Variants in GLIS3 observed in about 807,000 individuals in gnomAD.
GLIS3 encodes the protein zinc finger protein GLIS3.
A neutral mutation model predicts 78.6 loss-of-function variants in GLIS3; 53 were observed. The ratio of observed to expected loss-of-function variants is 0.67; its 90% CI spans 0.54 to 0.85. The LOEUF (loss-of-function observed/expected upper bound fraction) is 0.85, where lower values mean the gene tolerates loss of function less well. Ranked by LOEUF, GLIS3 falls within the 40% of genes least tolerant of loss-of-function variation. The probability of loss-of-function intolerance (pLI) is 0.00; values close to 1 mark genes in which losing one functional copy is unlikely to be tolerated. For synonymous variants in GLIS3, 684 were observed against 509.9 expected, an observed-to-expected ratio of 1.34 and a Z score of -4.60; for missense variants, 1,703 against 1,231.1, an observed-to-expected ratio of 1.38 and a Z score of -5.74.
intron 4 of GLIS3, among the ~76,000 whole-genome samples, chr9:4,077,780 A>C (rs1328827739): frequency 6.6e-6 from 1 of 152,180 alleles, no homozygotes; most frequent in Non-Finnish European, 1.5e-5. Flanking sequence ...TCATCTTGGC[A>C]GCAGCAGTGG....
chr9:4,369,324 G>C, the GLIS3 span, among the ~76,000 whole-genome samples: 1 of 152,136 alleles, frequency 6.6e-6, no homozygotes, highest in African/African-American at 2.4e-5. Flanking sequence ...TTTGCTCTCT[G>C]ACATGGAATA....
At chr9:4,431,321 G>T in the GLIS3 span, among the ~76,000 whole-genome samples, 2 of 152,160 alleles carry the variant, frequency 1.3e-5, no homozygotes, top group African/African-American at 4.8e-5. Context: ...TCCTTACTTC[G>T]CTCTTGTATT....
At chr9:3,926,113 A>C (rs957194552) in intron 6 of GLIS3, among the ~76,000 whole-genome samples, 3 of 152,222 alleles carry the variant, frequency 2.0e-5, no homozygotes, top group African/African-American at 7.2e-5. Context: ...GAAAGGTGCA[A>C]TTAAAACAAA....
chr9:3,832,213 ATAATT>A (rs571065325), intron 9 of GLIS3, among the ~76,000 whole-genome samples: 134 of 149,368 alleles, frequency 9.0e-4, no homozygotes, highest in African/African-American at 3.1e-3. Context: ...TATATAATAT[ATAATT>A]TAATAATATA....
At chr9:4,162,218 C>CT (rs1394167393) in intron 2 of GLIS3, among the ~76,000 whole-genome samples, 2 of 152,158 alleles carry the variant, frequency 1.3e-5, no homozygotes, top group Admixed American at 6.5e-5. Context: ...AAATTTCCTT[C>CT]TTTTTTTAAG....
At chr9:4,267,085 G>A (rs910652603) in intron 2 of GLIS3, among the ~76,000 whole-genome samples, 6 of 152,130 alleles carry the variant, frequency 3.9e-5, no homozygotes, top group African/African-American at 1.4e-4. Context: ...GCGTAAAGGT[G>A]AGTGTCACTG....
chr9:4,068,767 G>A (rs1056196405), intron 4 of GLIS3, among the ~76,000 whole-genome samples: 2 of 151,934 alleles, frequency 1.3e-5, no homozygotes, highest in Non-Finnish European at 2.9e-5. Flanking sequence ...GCACTGTCAA[G>A]GGATTTTTTT....
intron 6 of GLIS3, among the ~76,000 whole-genome samples, chr9:3,925,623 G>A (rs192592772): frequency 0.025 from 3,879 of 152,194 alleles, 76 homozygotes; most frequent in Non-Finnish European, 0.037. Flanking sequence ...GTGTGTGTGC[G>A]CGCGATCACT....
At chr9:4,215,844 A>T (rs1033132287) in intron 2 of GLIS3, among the ~76,000 whole-genome samples, 1 of 152,218 alleles carries the variant, frequency 6.6e-6, no homozygotes, top group African/African-American at 2.4e-5. Context: ...CCTGCCTTTA[A>T]AAGAAAGGCA....
intron 4 of GLIS3, among the ~76,000 whole-genome samples, chr9:4,008,098 A>G (rs1821705329): frequency 6.6e-6 from 1 of 152,128 alleles, no homozygotes; most frequent in South Asian, 2.1e-4. Flanking sequence ...TATCTAACAA[A>G]TGTTCCCAGT....
the GLIS3 span, among the ~76,000 whole-genome samples, chr9:4,377,411 G>T: frequency 1.5e-5 from 2 of 135,682 alleles, 1 homozygote; most frequent in Non-Finnish European, 3.3e-5. Flanking sequence ...TACACCAGTT[G>T]TTTGCTGGGG....
intron 2 of GLIS3, among the ~76,000 whole-genome samples, chr9:4,327,773 G>A (rs1024717529): frequency 2.6e-5 from 4 of 152,208 alleles, no homozygotes; most frequent in African/African-American, 9.6e-5. Flanking sequence ...CAGTAGCACA[G>A]TAGGCAAGAA....
chr9:4,327,667 C>T (rs1309173118), intron 2 of GLIS3, among the ~76,000 whole-genome samples: 1 of 152,202 alleles, frequency 6.6e-6, no homozygotes, highest in African/African-American at 2.4e-5. Flanking sequence ...GTCAGTGCCA[C>T]CACATCACAC....
intron 4 of GLIS3, among the ~76,000 whole-genome samples, chr9:4,015,356 T>C (rs1439776794): frequency 6.6e-6 from 1 of 152,200 alleles, no homozygotes; most frequent in Admixed American, 6.5e-5. Flanking sequence ...TAAGACAATG[T>C]CATGGTTCTT....
chr9:3,847,709 C>T (rs992429793), intron 9 of GLIS3, among the ~76,000 whole-genome samples: 3 of 152,242 alleles, frequency 2.0e-5, no homozygotes, highest in Admixed American at 6.5e-5. Flanking sequence ...TGTTGAAATG[C>T]TTACTGCACT....
rs149545036 is a variant in GLIS3, at chr9:3,937,160, C to G, written c.1740G>C (p.Arg580Ser). The G allele has an allele frequency of 1.2e-6, 2 of 1,614,076 alleles. No homozygotes were observed. Among genetic ancestry groups the G allele is most frequent in the Non-Finnish European group, 1.7e-6 (2 of 1,180,016 alleles). ...TFEGCEKAFSRLENLKIHLRS... is the reference protein window; with the variant it reads ...TFEGCEKAFSSLENLKIHLRS... Reference sequence around the variant, plus strand: ...GCAAGTGGATCTTGAGATTTTCAAGCCTTGAAAAGGCCTTCTCGCAACCTT... The same window carrying G: ...GCAAGTGGATCTTGAGATTTTCAAGGCTTGAAAAGGCCTTCTCGCAACCTT... Residue 580 changes from arginine to serine, a missense_variant, in exon 5 of 11, where the codon AGG becomes AGC. Arg to Ser is a moderately radical substitution (Grantham distance 110). Coordinates refer to ENST00000381971, the MANE Select transcript of GLIS3 (RefSeq NM_001042413.2).
At chr9:4,421,416 A>G in the GLIS3 span, among the ~76,000 whole-genome samples, 9 of 152,226 alleles carry the variant, frequency 5.9e-5, no homozygotes, top group African/African-American at 1.9e-4. Context: ...AGACAGCCCA[A>G]AGAGAAAGCT....
chr9:4,290,649 C>T (rs2130383461), intron 1 of GLIS3, among the ~76,000 whole-genome samples: 1 of 152,224 alleles, frequency 6.6e-6, no homozygotes, highest in South Asian at 2.1e-4. Flanking sequence ...CCTAGGAGTT[C>T]ATTTAAATAA....
At chr9:3,913,936 C>T (rs997574057) in intron 6 of GLIS3, among the ~76,000 whole-genome samples, 3 of 152,134 alleles carry the variant, frequency 2.0e-5, no homozygotes, top group African/African-American at 4.8e-5. Flanking sequence ...GACAAATGAG[C>T]CAATGGCTGC....
Sources: gnomAD v4.1 joint callset for allele counts (sites outside exome capture counted in the v4.1 genomes callset) on GRCh38, gnomAD v4.1.1 for gene constraint, MANE v1.5 for transcripts, NCBI Gene and HGNC (gene_info 2026-07-23, HGNC 2026-07-21) for gene names.